PPP4R4: variants seen among roughly 807,000 people sequenced by gnomAD.
The protein encoded by PPP4R4 is serine/threonine-protein phosphatase 4 regulatory subunit 4.
In PPP4R4, 70 loss-of-function variants were observed where a neutral mutation model predicts 121.8. That is an observed-to-expected ratio of 0.57 (90% CI 0.47 to 0.70). The LOEUF (loss-of-function observed/expected upper bound fraction) is 0.70, where lower values mean the gene tolerates loss of function less well. Ranked by LOEUF, PPP4R4 falls within the 30% of genes least tolerant of loss-of-function variation. PPP4R4 has a pLI of 0.00. For missense variants in PPP4R4, 875 were observed against 1,033.6 expected, an observed-to-expected ratio of 0.85 and a Z score of 2.10; for synonymous variants, 348 against 355.7, an observed-to-expected ratio of 0.98 and a Z score of 0.24.
At chr14:94,266,624 T>C (rs1345283760) in intron 22 of PPP4R4, among the ~76,000 whole-genome samples, 1 of 152,108 alleles carries the variant, frequency 6.6e-6, no homozygotes, top group African/African-American at 2.4e-5. Context: ...CAAGAGTACC[T>C]GGCCAGTAGA....
At chr14:94,275,341 T>C (rs757639813) in intron 23 of PPP4R4, 33 bp from the exon 24 acceptor site, 1 of 1,609,354 alleles carries the variant, frequency 6.2e-7, no homozygotes, top group South Asian at 1.1e-5. Flanking sequence ...TTAGTATATT[T>C]GGTATGTCTG....
chr14:94,276,372 A>G (rs895357082), intron 24 of PPP4R4, among the ~76,000 whole-genome samples: 3 of 152,232 alleles, frequency 2.0e-5, no homozygotes, highest in Non-Finnish European at 4.4e-5. Context: ...CATTGCTATA[A>G]AGAAATACCT....
intron 19 of PPP4R4, among the ~76,000 whole-genome samples, chr14:94,260,262 A>G (rs1283461805): frequency 6.6e-6 from 1 of 151,786 alleles, no homozygotes; most frequent in South Asian, 2.1e-4. Context: ...CATCTCTACT[A>G]AAAAATACAA....
chr14:94,262,071 A>G (rs1352814605), intron 19 of PPP4R4, among the ~76,000 whole-genome samples: 1 of 151,966 alleles, frequency 6.6e-6, no homozygotes, highest in Non-Finnish European at 1.5e-5. Context: ...AACAAGATGG[A>G]TGGTATTCCC....
intron 14 of PPP4R4, among the ~76,000 whole-genome samples, chr14:94,247,620 T>C (rs1371985537): frequency 6.6e-6 from 1 of 152,140 alleles, no homozygotes; most frequent in African/African-American, 2.4e-5. Context: ...AAAAGAAAAC[T>C]GCAAGTCAGT....
intron 11 of PPP4R4, among the ~76,000 whole-genome samples, chr14:94,243,763 G>C (rs964840420): frequency 5.9e-5 from 9 of 151,784 alleles, no homozygotes; most frequent in African/African-American, 2.2e-4. Context: ...TAAAATGAGG[G>C]GCTAGTGTAA....
chr14:94,186,301 C>T lies in PPP4R4; in HGVS notation c.191+10174C>T, dbSNP rs184693477. Reference sequence around the variant, plus strand: ...TCCATTCCAGGCAACCACTGATGTGCTTTCCGTTACTATAAATTAGTTTCC... The same window carrying T: ...TCCATTCCAGGCAACCACTGATGTGTTTTCCGTTACTATAAATTAGTTTCC... On this transcript the variant is annotated intron_variant, in intron 2 of 24. Coordinates refer to ENST00000304338, the MANE Select transcript of PPP4R4 (RefSeq NM_058237.2). Among the ~76,000 whole-genome samples the T allele has an allele frequency of 3.2e-3, 480 of 152,298 alleles. 2 individuals are homozygous for T. The highest frequency in any genetic ancestry group is 0.011 in the African/African-American group (456 of 41,556).
At chr14:94,268,352 T>C (rs1894150649) in intron 23 of PPP4R4, among the ~76,000 whole-genome samples, 2 of 152,230 alleles carry the variant, frequency 1.3e-5, no homozygotes, top group South Asian at 4.1e-4. Context: ...TTTTGTAACA[T>C]TTTTTGTCAA....
intron 4 of PPP4R4, 64 bp from the exon 5 acceptor site, chr14:94,231,178 G>T: frequency 7.9e-7 from 1 of 1,263,440 alleles, no homozygotes; most frequent in Non-Finnish European, 1.1e-6. Context: ...ACTATTAATG[G>T]CTGAGTTGAA....
At chr14:94,265,350 G>A (rs781297766) in intron 20 of PPP4R4, 37 bp from the exon 21 acceptor site, 1 of 1,447,706 alleles carries the variant, frequency 6.9e-7, no homozygotes, top group Admixed American at 1.7e-5. Flanking sequence ...TAAGGACTTA[G>A]AGGAAATTAT....
intron 11 of PPP4R4, among the ~76,000 whole-genome samples, chr14:94,243,845 G>A (rs1892752144): frequency 6.6e-6 from 1 of 151,864 alleles, no homozygotes. Flanking sequence ...CAATGCTAGA[G>A]TCTGATAATT....
At chr14:94,219,345 T>C (rs1196234023) in intron 3 of PPP4R4, among the ~76,000 whole-genome samples, 1 of 152,068 alleles carries the variant, frequency 6.6e-6, no homozygotes, top group African/African-American at 2.4e-5. Flanking sequence ...GGATTACAGA[T>C]GTGAGCTACC....
At chr14:94,229,444 A>G (rs1891893303) in intron 3 of PPP4R4, among the ~76,000 whole-genome samples, 1 of 152,168 alleles carries the variant, frequency 6.6e-6, no homozygotes, top group African/African-American at 2.4e-5. Context: ...GGAAGATTAC[A>G]GGAGGAGCAG....
At chr14:94,230,202 A>G (rs1414666948) in intron 3 of PPP4R4, among the ~76,000 whole-genome samples, 1 of 152,236 alleles carries the variant, frequency 6.6e-6, no homozygotes, top group Non-Finnish European at 1.5e-5. Flanking sequence ...ATGGAAACAC[A>G]TGTGATTGTC....
At chr14:94,241,078 A>G (rs1442865292) in intron 9 of PPP4R4, among the ~76,000 whole-genome samples, 1 of 152,154 alleles carries the variant, frequency 6.6e-6, no homozygotes, top group African/African-American at 2.4e-5. Flanking sequence ...ATGTGATAAT[A>G]GAAGCTCAGG....
rs1226564580 is a variant in PPP4R4, at chr14:94,187,028, T to C, written c.191+10901T>C. On this transcript the variant is annotated intron_variant, in intron 2 of 24. Coordinates refer to ENST00000304338, the MANE Select transcript of PPP4R4 (RefSeq NM_058237.2). ...AATGTTTATTCTTTGAAATATACTT[T>C]GTTAGGCCGAGCGTGGTGGCTCACA... 2.0e-5 allele frequency among the ~76,000 whole-genome samples: 3 copies of C among 152,200 alleles called. No homozygotes were observed. The South Asian group carries it at 6.2e-4, about 31-fold the overall frequency.
intron 2 of PPP4R4, among the ~76,000 whole-genome samples, chr14:94,206,994 A>C (rs1243369811): frequency 2.0e-5 from 3 of 151,958 alleles, no homozygotes; most frequent in Non-Finnish European, 2.9e-5. Flanking sequence ...TATTGCTCAA[A>C]TTTCTGCATC....
chr14:94,258,269 C>G (rs1012685606), intron 17 of PPP4R4, among the ~76,000 whole-genome samples: 13 of 152,058 alleles, frequency 8.5e-5, no homozygotes, highest in Non-Finnish European at 1.9e-4. Context: ...TTAGATTGAC[C>G]ATTGTTTTGA....
chr14:94,263,657 G>T (rs143632825), intron 19 of PPP4R4, among the ~76,000 whole-genome samples: 1 of 152,092 alleles, frequency 6.6e-6, no homozygotes, highest in South Asian at 2.1e-4. Flanking sequence ...AAAGAGAACC[G>T]CAGATAATCC....
Sources: gnomAD v4.1 joint callset for allele counts (sites outside exome capture counted in the v4.1 genomes callset) on GRCh38, gnomAD v4.1.1 for gene constraint, MANE v1.5 for transcripts, NCBI Gene and HGNC (gene_info 2026-07-23, HGNC 2026-07-21) for gene names.